The following ZPBP variants were observed in gnomAD, a reference collection of about 807,000 sequenced individuals.
ZPBP encodes zona pellucida binding protein.
ZPBP carries 26 observed loss-of-function variants against 44.8 expected under a neutral mutation model. That is an observed-to-expected ratio of 0.58 (90% CI 0.43 to 0.81). The LOEUF is 0.81. Ranked by LOEUF, ZPBP falls within the 30% of genes least tolerant of loss-of-function variation. The pLI, the probability that ZPBP is intolerant of heterozygous loss-of-function variation, is 0.00. For synonymous variants in ZPBP, 174 were observed against 153.2 expected, an observed-to-expected ratio of 1.14 and a Z score of -1.00; for missense variants, 409 against 434.0, an observed-to-expected ratio of 0.94 and a Z score of 0.51.
chr7:49,974,125 C>A, intron 7 of ZPBP, among the ~76,000 whole-genome samples: 1 of 151,876 alleles, frequency 6.6e-6, no homozygotes, highest in East Asian at 1.9e-4. Flanking sequence ...ATGAAGAATA[C>A]TGGGAGATGA....
At chr7:49,956,924 A>G (rs1175032638) in intron 7 of ZPBP, among the ~76,000 whole-genome samples, 1 of 152,198 alleles carries the variant, frequency 6.6e-6, no homozygotes, top group Non-Finnish European at 1.5e-5. Context: ...AGTGTTTGCT[A>G]TGGTTTGAAT....
intron 7 of ZPBP, among the ~76,000 whole-genome samples, chr7:49,981,632 T>C (rs1796962789): frequency 1.2e-5 from 1 of 81,676 alleles, no homozygotes; most frequent in Non-Finnish European, 2.1e-5. Flanking sequence ...TTATATTATA[T>C]TATATATTAT....
At chr7:49,896,965 G>A (rs1428157297) in intron 2 of ZPBP, among the ~76,000 whole-genome samples, 3 of 142,372 alleles carry the variant, frequency 2.1e-5, no homozygotes, top group African/African-American at 5.3e-5. Context: ...GCGCAATCTC[G>A]GCTCACTGCA....
intron 2 of ZPBP, among the ~76,000 whole-genome samples, chr7:49,869,531 T>G (rs1037963388): frequency 6.6e-6 from 1 of 152,224 alleles, no homozygotes; most frequent in Non-Finnish European, 1.5e-5. Flanking sequence ...TTCTAAGCTT[T>G]ATATGTTTTA....
chr7:50,015,796 A>G (rs1366991429), intron 6 of ZPBP, among the ~76,000 whole-genome samples: 2 of 152,108 alleles, frequency 1.3e-5, no homozygotes, highest in African/African-American at 4.8e-5. Flanking sequence ...AGCATATGAA[A>G]AAGCATATGA....
At chr7:50,084,554 C>A (rs1802534507) in intron 2 of ZPBP, among the ~76,000 whole-genome samples, 1 of 151,806 alleles carries the variant, frequency 6.6e-6, no homozygotes, top group African/African-American at 2.4e-5. Context: ...GTGGCCAACA[C>A]AGACAGATGC....
chr7:49,851,267 A>G (rs1477056183), intron 2 of ZPBP, among the ~76,000 whole-genome samples: 3 of 152,206 alleles, frequency 2.0e-5, no homozygotes, highest in Admixed American at 1.3e-4. Flanking sequence ...TGGGTAATCC[A>G]GGATGATCTC....
At chr7:50,047,724 G>T (rs1284785910) in intron 4 of ZPBP, among the ~76,000 whole-genome samples, 1 of 149,186 alleles carries the variant, frequency 6.7e-6, no homozygotes, top group Admixed American at 6.7e-5. Context: ...CTCATAACAA[G>T]CAGGGTGCCT....
intron 4 of ZPBP, among the ~76,000 whole-genome samples, chr7:50,054,080 G>A (rs553817096): frequency 1.3e-5 from 2 of 151,986 alleles, no homozygotes; most frequent in South Asian, 2.1e-4. Flanking sequence ...TAGTAGAGAC[G>A]GGGTTTTTCC....
chr7:49,958,237 A>G (rs1795695419), intron 7 of ZPBP, among the ~76,000 whole-genome samples: 1 of 152,088 alleles, frequency 6.6e-6, no homozygotes, highest in African/African-American at 2.4e-5. Context: ...TAGATGAGAG[A>G]CTCTAGACTT....
intron 7 of ZPBP, among the ~76,000 whole-genome samples, chr7:49,939,939 C>G (rs1439228677): frequency 6.6e-6 from 1 of 152,112 alleles, no homozygotes; most frequent in Non-Finnish European, 1.5e-5. Context: ...CTGAACATTC[C>G]ATAACTGACC....
intron 6 of ZPBP, among the ~76,000 whole-genome samples, chr7:49,986,690 T>C (rs1197674985): frequency 6.6e-6 from 1 of 152,230 alleles, no homozygotes; most frequent in Non-Finnish European, 1.5e-5. Flanking sequence ...AAAGGCTTTT[T>C]TCCTTTTAGA....
At chr7:49,856,555 C>T (rs1003539158) in intron 2 of ZPBP, among the ~76,000 whole-genome samples, 6 of 152,128 alleles carry the variant, frequency 3.9e-5, no homozygotes, top group Admixed American at 3.9e-4. Context: ...TTTCCCCCAC[C>T]AGCTTTATTG....
rs77894553 is a variant in ZPBP at position 50,053,573 on chromosome 7, G to A, written c.487+4416C>T. ...CGAAGAAGGAATGCTTGTTAAGTAC[G>A]TCAAAACATAATCTTATCTTTTGAA... On this transcript the variant is annotated intron_variant, in intron 4 of 7. Coordinates refer to ENST00000046087, the MANE Select transcript of ZPBP (RefSeq NM_007009.3). Among the ~76,000 whole-genome samples the A allele has an allele frequency of 4.9e-4, 75 of 152,256 alleles. 1 individual carries two copies. The highest frequency in any genetic ancestry group is 1.7e-3 in the African/African-American group (70 of 41,556).
chr7:50,009,848 G>C (rs1030085076), intron 6 of ZPBP, among the ~76,000 whole-genome samples: 2 of 149,932 alleles, frequency 1.3e-5, no homozygotes, highest in Admixed American at 1.3e-4. Flanking sequence ...CACTAATAAT[G>C]AACATTTGAA....
chr7:49,981,639 T>A (rs1460274025), intron 7 of ZPBP, among the ~76,000 whole-genome samples: 1 of 90,942 alleles, frequency 1.1e-5, no homozygotes, highest in Non-Finnish European at 1.9e-5. Flanking sequence ...ATATTATATA[T>A]TATATAATAT....
downstream of ZPBP, among the ~76,000 whole-genome samples, chr7:49,933,662 A>T (rs974405968): frequency 1.3e-5 from 2 of 152,174 alleles, no homozygotes; most frequent in African/African-American, 2.4e-5. Flanking sequence ...CAAATGTCCA[A>T]CAATGATAGA....
intron 2 of ZPBP, among the ~76,000 whole-genome samples, chr7:49,859,741 C>G (rs1437421686): frequency 6.6e-6 from 1 of 152,178 alleles, no homozygotes; most frequent in Non-Finnish European, 1.5e-5. Flanking sequence ...TTTTCTCCAT[C>G]TATTTCTCCC....
chr7:49,984,237 TGC>T, intron 6 of ZPBP, among the ~76,000 whole-genome samples: 1 of 152,282 alleles, frequency 6.6e-6, no homozygotes, highest in Non-Finnish European at 1.5e-5. Flanking sequence ...CTACTAATGG[TGC>T]ACCTCATGTC....
Sources: gnomAD v4.1 joint callset for allele counts (sites outside exome capture counted in the v4.1 genomes callset) on GRCh38, gnomAD v4.1.1 for gene constraint, MANE v1.5 for transcripts, NCBI Gene and HGNC (gene_info 2026-07-23, HGNC 2026-07-21) for gene names.